Variants in TBC1D32 observed in about 807,000 individuals in gnomAD.
The protein encoded by TBC1D32 is TBC1 domain family member 32, also known as protein broad-minded.
Under a neutral mutation model 170.3 loss-of-function variants are expected in TBC1D32, and 151 were observed. That is an observed-to-expected ratio of 0.89 (90% CI 0.78 to 1.01). The LOEUF (loss-of-function observed/expected upper bound fraction) is 1.01, where lower values mean the gene tolerates loss of function less well. Ranked by LOEUF, TBC1D32 falls within the 50% of genes least tolerant of loss-of-function variation. The probability of loss-of-function intolerance (pLI) is 0.00; values close to 1 mark genes in which losing one functional copy is unlikely to be tolerated. For missense variants in TBC1D32, 1,464 were observed against 1,457.1 expected, an observed-to-expected ratio of 1.00 and a Z score of -0.08; for synonymous variants, 498 against 488.0, an observed-to-expected ratio of 1.02 and a Z score of -0.27.
intron 24 of TBC1D32, among the ~76,000 whole-genome samples, chr6:121,145,221 T>C (rs1783274900): frequency 6.6e-6 from 1 of 152,154 alleles, no homozygotes; most frequent in African/African-American, 2.4e-5. Flanking sequence ...CTTGTTGGCA[T>C]ATCAAAAAGA....
intron 20 of TBC1D32, among the ~76,000 whole-genome samples, chr6:121,228,283 T>C (rs1341558202): frequency 1.3e-5 from 2 of 152,104 alleles, no homozygotes; most frequent in Admixed American, 1.3e-4. Context: ...GCTCTAATGT[T>C]TATTATTTCC....
intron 22 of TBC1D32, chr6:121,162,988 C>A (rs1365985011): frequency 1.3e-5 from 1 of 75,678 alleles, no homozygotes; most frequent in Non-Finnish European, 2.9e-5. Context: ...TCGGGTCACT[C>A]CCACCCGAAT....
chr6:121,242,556 TCA>T (rs1797118209), intron 17 of TBC1D32, among the ~76,000 whole-genome samples: 1 of 152,104 alleles, frequency 6.6e-6, no homozygotes, highest in Admixed American at 6.6e-5. Context: ...TAATTTCTCT[TCA>T]CTGAATGAAA....
At chr6:121,236,998 G>GA (rs1320230842) in intron 20 of TBC1D32, 2 of 152,084 alleles carry the variant, frequency 1.3e-5, no homozygotes, top group South Asian at 4.1e-4. Context: ...TTTCCATCCT[G>GA]AAAATCCAGC....
At chr6:121,234,309 T>C (rs9401382) in intron 20 of TBC1D32, among the ~76,000 whole-genome samples, 97,388 of 152,006 alleles carry the variant, frequency 0.64, 36,719 homozygotes, top group Non-Finnish European at 0.84. Context: ...AAATATGTTT[T>C]CCAAACTTTC....
intron 21 of TBC1D32, among the ~76,000 whole-genome samples, chr6:121,212,453 T>C (rs868708480): frequency 0.04 from 4,977 of 124,462 alleles, 192 homozygotes; most frequent in African/African-American, 0.14. Flanking sequence ...AATATCTCTT[T>C]TTTTTTTTTT....
At chr6:121,086,856 T>C (rs76048401) in intron 31 of TBC1D32, among the ~76,000 whole-genome samples, 487 of 152,282 alleles carry the variant, frequency 3.2e-3, no homozygotes, top group African/African-American at 0.011. Context: ...ACTAAACCTG[T>C]TTGTGTGTGT....
chr6:121,287,988 G>A (rs1189915435), intron 12 of TBC1D32, among the ~76,000 whole-genome samples: 1 of 152,114 alleles, frequency 6.6e-6, no homozygotes, highest in East Asian at 1.9e-4. Context: ...GAATCTCTGG[G>A]ACACATTCAA....
intron 24 of TBC1D32, among the ~76,000 whole-genome samples, chr6:121,157,875 C>G (rs1785110066): frequency 6.6e-6 from 1 of 152,218 alleles, no homozygotes; most frequent in South Asian, 2.1e-4. Context: ...AAGTCTGTTG[C>G]TAGCATGATG....
At chr6:121,145,169 T>C (rs968079019) in intron 24 of TBC1D32, among the ~76,000 whole-genome samples, 4 of 152,042 alleles carry the variant, frequency 2.6e-5, no homozygotes, top group Non-Finnish European at 5.9e-5. Context: ...GGGAAAGTAG[T>C]CCAAGAGAAG....
At chr6:121,298,085 A>T (rs1445827902) in intron 10 of TBC1D32, among the ~76,000 whole-genome samples, 1 of 152,102 alleles carries the variant, frequency 6.6e-6, no homozygotes, top group Non-Finnish European at 1.5e-5. Flanking sequence ...GAATAAACAG[A>T]TCTTGCATCA....
At chr6:121,089,936 C>G (rs796453599) in intron 31 of TBC1D32, among the ~76,000 whole-genome samples, 1 of 138,728 alleles carries the variant, frequency 7.2e-6, no homozygotes, top group African/African-American at 2.6e-5. Context: ...TTCAAAGATT[C>G]TTTTTTTTTT....
chr6:121,113,104 T>C lies in TBC1D32; in HGVS notation c.3127A>G (p.Arg1043Gly). The change falls in exon 28 of 32, where the codon AGA (arginine) becomes GGA (glycine). Residue 1043 changes from arginine to glycine, a missense_variant. By Grantham distance (125) the Arg-to-Gly change is moderately radical (BLOSUM62 -2). This residue lies in a region of TBC1D32 where 1,363 missense variants were observed against 1,338.1 expected (regional missense o/e 1.02). Coordinates refer to ENST00000398212, the MANE Select transcript of TBC1D32 (RefSeq NM_152730.6). ...DLTWVLKHCE[R>G]FLKQQQTSIK... The stretch of plus-strand genomic sequence containing the variant: ...GAAGTTTGCTGCTGTTTCAGGAATC[T>C]CTCACAATGCTTTAAAACCCAGGTA... The C allele has an allele frequency of 6.2e-7, 1 of 1,611,570 alleles. No individual in the cohort carries two copies. Among genetic ancestry groups the C allele is most frequent in the East Asian group, 2.2e-5 (1 of 44,634 alleles).
At chr6:121,286,101 G>A (rs1331153294) in intron 12 of TBC1D32, among the ~76,000 whole-genome samples, 3 of 152,164 alleles carry the variant, frequency 2.0e-5, no homozygotes, top group Non-Finnish European at 4.4e-5. Flanking sequence ...CCAAAGGAAC[G>A]CAGCTCCTAA....
At chr6:121,168,871 G>T (rs1484481667) in intron 22 of TBC1D32, among the ~76,000 whole-genome samples, 1 of 151,748 alleles carries the variant, frequency 6.6e-6, no homozygotes, top group African/African-American at 2.4e-5. Context: ...GAGAAGTGAA[G>T]GACCTCTTCA....
intron 24 of TBC1D32, among the ~76,000 whole-genome samples, chr6:121,141,914 T>C (rs551787752): frequency 2.6e-5 from 4 of 152,330 alleles, no homozygotes; most frequent in South Asian, 2.1e-4. Flanking sequence ...CTTTAGCTAA[T>C]AGCAAAAAGC....
In TBC1D32 at chr6:121,143,543, C is replaced by A. The variant is rs2202064; in HGVS notation, c.2774-11791G>T. Reference sequence around the variant, plus strand: ...GAGGATGCCACCATGTGCACACAACCGAAGTGATTTTTTTCCCACAACAAT... The same window carrying A: ...GAGGATGCCACCATGTGCACACAACAGAAGTGATTTTTTTCCCACAACAAT... On this transcript the variant is annotated intron_variant, in intron 24 of 31. Transcript: ENST00000398212. Among the ~76,000 whole-genome samples, 1,511 of 152,142 alleles carry A rather than the reference C, an allele frequency of 9.9e-3. 21 individuals carry two copies. Among genetic ancestry groups the A allele is most frequent in the African/African-American group, 0.034 (1,420 of 41,496 alleles).
chr6:121,162,973 G>GA (rs1785969867), intron 22 of TBC1D32: 1 of 90,490 alleles, frequency 1.1e-5, no homozygotes, highest in African/African-American at 3.8e-5. Flanking sequence ...GACGCACCTG[G>GA]AAAATCGGGT....
At chr6:121,137,891 T>C (rs924245707) in intron 24 of TBC1D32, among the ~76,000 whole-genome samples, 1 of 151,980 alleles carries the variant, frequency 6.6e-6, no homozygotes, top group Admixed American at 6.6e-5. Context: ...TGAGTGCCCA[T>C]TTTTGAAATA....
Sources: gnomAD v4.1 joint callset for allele counts (sites outside exome capture counted in the v4.1 genomes callset) on GRCh38, gnomAD v4.1.1 for gene constraint, gnomAD v4.1.1 regional missense constraint, MANE v1.5 for transcripts, NCBI Gene and HGNC (gene_info 2026-07-23, HGNC 2026-07-21) for gene names.